ADAMTS2: variants seen among roughly 807,000 people sequenced by gnomAD.
The protein encoded by ADAMTS2 is A disintegrin and metalloproteinase with thrombospondin motifs 2.
In ADAMTS2, 50 loss-of-function variants were observed where a neutral mutation model predicts 123.0. That is an observed-to-expected ratio of 0.41 (90% CI 0.32 to 0.51). The LOEUF (loss-of-function observed/expected upper bound fraction) is 0.51, where lower values mean the gene tolerates loss of function less well. Among genes scored for constraint, ADAMTS2 ranks in the 20% least tolerant of loss-of-function variants. The pLI is 0.35. For synonymous variants in ADAMTS2, 678 were observed against 695.4 expected (o/e 0.98, Z 0.39); for missense variants, 1,494 against 1,705.2 (o/e 0.88, Z 2.18).
chr5:179,175,236 T>C lies in ADAMTS2; in HGVS notation c.975+5836A>G, dbSNP rs1457551680. Among the ~76,000 whole-genome samples the C allele has an allele frequency of 6.6e-6, 1 of 152,036 alleles. No homozygotes were observed. The highest frequency in any genetic ancestry group is 2.4e-5 in the African/African-American group (1 of 41,392). ...CTCTTCCTTGCTTGGGTTCCGCAGC[T>C]GTCTCAGCCATGCTTGACCGTTCAT... On this transcript the variant is annotated intron_variant, in intron 5 of 21. Transcript: ENST00000251582. This position sits in a 1 kb window ranked among gnomAD's most constrained non-coding sequence, Gnocchi z 4.1.
intron 2 of ADAMTS2, among the ~76,000 whole-genome samples, chr5:179,280,255 A>C (rs373109856): frequency 6.6e-6 from 1 of 152,142 alleles, no homozygotes; most frequent in African/African-American, 2.4e-5. Context: ...TCACATGCCC[A>C]GCGAGGCTCT....
At chr5:179,240,825 C>G (rs751726813) in intron 3 of ADAMTS2, among the ~76,000 whole-genome samples, 20 of 152,214 alleles carry the variant, frequency 1.3e-4, no homozygotes, top group Non-Finnish European at 2.8e-4. Flanking sequence ...CTGCGGAAAC[C>G]ATAAACGTCA....
chr5:179,316,422 C>T (rs116261332), intron 2 of ADAMTS2, among the ~76,000 whole-genome samples: 21 of 152,252 alleles, frequency 1.4e-4, no homozygotes, highest in African/African-American at 4.3e-4. Flanking sequence ...GCTGGGGAGT[C>T]GGCCACAGCT....
chr5:179,262,650 G>C lies in ADAMTS2; in HGVS notation c.688+10261C>G, dbSNP rs910522703. On this transcript the variant is annotated intron_variant, in intron 3 of 21. Coordinates refer to ENST00000251582, the MANE Select transcript of ADAMTS2 (RefSeq NM_014244.5). The surrounding 1 kb of genome is among the most constrained non-coding windows in gnomAD (Gnocchi z 5.9). ...CTCTGCCTGGAACACCCTTCCCAGG[G>C]CTGGGCTTTCCCATCATCACCAACC... Among the ~76,000 whole-genome samples, 6 of 152,148 alleles carry C rather than the reference G, an allele frequency of 3.9e-5. No homozygotes were observed. The highest frequency in any genetic ancestry group is 1.4e-4 in the African/African-American group (6 of 41,428).
rs971258734 is a variant in ADAMTS2 at position 179,111,649 on chromosome 5, G to A, written c.*2218C>T. On this transcript the variant is annotated 3_prime_UTR_variant, in exon 22 of 22. Coordinates refer to ENST00000251582, the MANE Select transcript of ADAMTS2 (RefSeq NM_014244.5). ...AAGCCAGGAAGCCCTGCTCTGCTGA[G>A]ATCTTGGAATGGAGTGTTCCCATCC... is the stretch of plus-strand genomic sequence containing the variant. 5 of 152,272 alleles carry A rather than the reference G, an allele frequency of 3.3e-5. No homozygotes were observed. Among genetic ancestry groups the A allele is most frequent in the African/African-American group, 1.2e-4 (5 of 41,474 alleles). 9.4% of individuals were successfully genotyped at this position (152,272 alleles called of 1,614,324 possible). A position where few individuals can be genotyped will look rare whatever the true frequency, so the allele number is the denominator to read the frequency against.
chr5:179,187,826 G>A (rs1008144669), intron 4 of ADAMTS2, among the ~76,000 whole-genome samples: 3 of 152,222 alleles, frequency 2.0e-5, no homozygotes, highest in Non-Finnish European at 4.4e-5. Context: ...TCTCTTGTTT[G>A]GGGAAACACA....
In ADAMTS2 at chr5:179,318,748, T is replaced by C. The variant is rs1176978258; in HGVS notation, c.534+25019A>G. Among the ~76,000 whole-genome samples, 5 of 151,560 alleles carry C rather than the reference T, an allele frequency of 3.3e-5. No homozygotes were observed. In the South Asian group the frequency reaches 1.0e-3, roughly 32 times the overall value. The stretch of plus-strand genomic sequence containing the variant: ...AGGATGGAGCTGAGCCTCCCCAGGA[T>C]GACTCCCCTGGGGGAAACACTGATG... On this transcript the variant is annotated intron_variant, in intron 2 of 21. Coordinates refer to ENST00000251582, the MANE Select transcript of ADAMTS2 (RefSeq NM_014244.5).
intron 10 of ADAMTS2, among the ~76,000 whole-genome samples, chr5:179,150,125 C>T (rs1561778568): frequency 6.6e-6 from 1 of 152,044 alleles, no homozygotes; most frequent in Non-Finnish European, 1.5e-5. Flanking sequence ...CCCACCAGCT[C>T]CTGCTCCTGC....
chr5:179,323,967 G>A (rs1757248283), intron 2 of ADAMTS2, among the ~76,000 whole-genome samples: 1 of 152,220 alleles, frequency 6.6e-6, no homozygotes. Flanking sequence ...TCCATCCAAA[G>A]TAATGAAGCT....
chr5:179,265,060 A>ACAGCAGCATGCCGGGTGGGGCTGAGCAC (rs1282431948), intron 3 of ADAMTS2, among the ~76,000 whole-genome samples: 2 of 152,060 alleles, frequency 1.3e-5, no homozygotes, highest in African/African-American at 4.8e-5. Flanking sequence ...CCCTGCACCA[A>ACAGCAGCATGCCGGGTGGGGCTGAGCAC]ACTGCCCGCT....
rs1222799417 is a variant in ADAMTS2 at position 179,261,852 on chromosome 5, G to T, written c.688+11059C>A. Among the ~76,000 whole-genome samples the T allele has an allele frequency of 3.3e-5, 5 of 152,264 alleles. No individual in the cohort carries two copies. In the East Asian group the frequency reaches 7.7e-4, roughly 24 times the overall value. The stretch of plus-strand genomic sequence containing the variant: ...GGCAAGGGGAAGCTGGACCGGTCCT[G>T]CTAGACAAACAAGGATGCACACACG... On this transcript the variant is annotated intron_variant, in intron 3 of 21. Transcript: ENST00000251582.
At chr5:179,124,889 C>T in intron 19 of ADAMTS2, 84 bp downstream of exon 19, 1 of 1,595,878 alleles carries the variant, frequency 6.3e-7, no homozygotes, top group Non-Finnish European at 8.5e-7. Flanking sequence ...TGTGTAGCGG[C>T]TGAATGCAGC....
chr5:179,291,730 ATATT>A (rs112260790), intron 2 of ADAMTS2, among the ~76,000 whole-genome samples: 3 of 151,424 alleles, frequency 2.0e-5, no homozygotes, highest in Admixed American at 6.6e-5. Context: ...GGTCCAAACG[ATATT>A]TATTTATTTA....
At chr5:179,210,982 G>C (rs1325580694) in intron 3 of ADAMTS2, among the ~76,000 whole-genome samples, 1 of 152,258 alleles carries the variant, frequency 6.6e-6, no homozygotes. Context: ...ATAGAGCCTT[G>C]CTATAGGGAG....
In ADAMTS2 at chr5:179,256,116, C is replaced by T. The variant is rs543282002; in HGVS notation, c.688+16795G>A. ...ACGGTCCTTCTTCCCACAGGGAGAC[C>T]GGGAGGGTCTTGTTCTGCCCTCAGA... On this transcript the variant is annotated intron_variant, in intron 3 of 21. Coordinates refer to ENST00000251582, the MANE Select transcript of ADAMTS2 (RefSeq NM_014244.5). The surrounding 1 kb of genome is among the most constrained non-coding windows in gnomAD (Gnocchi z 4.1). Among the ~76,000 whole-genome samples the T allele has an allele frequency of 5.9e-5, 9 of 152,298 alleles. No homozygotes were observed. The highest frequency in any genetic ancestry group is 3.9e-4 in the East Asian group (2 of 5,180).
In ADAMTS2 at chr5:179,156,640, G is replaced by A. The variant is rs561782986; in HGVS notation, c.1133-1721C>T. Among the ~76,000 whole-genome samples, 225 of 152,270 alleles carry A rather than the reference G, an allele frequency of 1.5e-3. No individual in the cohort carries two copies. The Middle Eastern group carries it at 0.021, about 14-fold the overall frequency. On this transcript the variant is annotated intron_variant, in intron 6 of 21. Transcript: ENST00000251582. Reference sequence around the variant, plus strand: ...CCCACAGTGCTGGGATTACAGGCGTGAGCCACCGCGCCCCGTCTACCTTTC... The same window carrying A: ...CCCACAGTGCTGGGATTACAGGCGTAAGCCACCGCGCCCCGTCTACCTTTC...
intron 2 of ADAMTS2, among the ~76,000 whole-genome samples, chr5:179,283,003 C>A (rs1188385248): frequency 6.6e-6 from 1 of 152,124 alleles, no homozygotes; most frequent in Non-Finnish European, 1.5e-5. Flanking sequence ...ATGGCTTCAA[C>A]CCTGCTGCTA....
chr5:179,189,231 A>G lies in ADAMTS2; in HGVS notation c.892-8076T>C, dbSNP rs1764243772. ...ATCACCAAACAGGCTTTGTGTGAGC[A>G]ATAAAGCTTTTTAATCACCTGGGTG... On this transcript the variant is annotated intron_variant, in intron 4 of 21. Transcript: ENST00000251582. The surrounding 1 kb of genome is among the most constrained non-coding windows in gnomAD (Gnocchi z 4.2). Among the ~76,000 whole-genome samples the G allele has an allele frequency of 1.3e-5, 2 of 152,238 alleles. No homozygotes were observed. Among genetic ancestry groups the G allele is most frequent in the Non-Finnish European group, 2.9e-5 (2 of 68,054 alleles).
intron 11 of ADAMTS2, among the ~76,000 whole-genome samples, chr5:179,138,716 C>T (rs563770899): frequency 4.5e-4 from 69 of 152,268 alleles, no homozygotes; most frequent in African/African-American, 1.5e-3. Flanking sequence ...GATCCATGCA[C>T]GAGCGTGTTC....
Sources: gnomAD v4.1 joint callset for allele counts (sites outside exome capture counted in the v4.1 genomes callset) on GRCh38, gnomAD v4.1.1 for gene constraint, Gnocchi (gnomAD v3.1) non-coding constraint, MANE v1.5 for transcripts, NCBI Gene and HGNC (gene_info 2026-07-23, HGNC 2026-07-21) for gene names.